Variants in NUP58 observed in about 807,000 individuals in gnomAD.
The protein encoded by NUP58 is nucleoporin 58.
Under a neutral mutation model 70.1 loss-of-function variants are expected in NUP58, and 17 were observed. That is an observed-to-expected ratio of 0.24 (90% CI 0.17 to 0.36). The LOEUF (loss-of-function observed/expected upper bound fraction) is 0.36. NUP58 is among the 10% of genes least tolerant of loss of function. The pLI, the probability that NUP58 is intolerant of heterozygous loss-of-function variation, is 1.00. For missense variants in NUP58, 644 were observed against 701.5 expected (o/e 0.92, Z 0.93); for synonymous variants, 275 against 257.6 (o/e 1.07, Z -0.65).
At chr13:25,335,775 A>G (rs2031759024) in intron 13 of NUP58, 1 of 983,440 alleles carries the variant, frequency 1.0e-6, no homozygotes. Context: ...TTCATTGGAT[A>G]ACTTGAAGGC....
intron 1 of NUP58, chr13:25,302,994 A>C (rs1332201916): frequency 2.2e-6 from 1 of 456,716 alleles, no homozygotes; most frequent in Non-Finnish European, 4.4e-6. Flanking sequence ...TCCCATGTGC[A>C]AGGCTCTGTT....
Position 25,331,530 on chromosome 13 carries a change from A to G in NUP58, c.1407A>G (p.Thr469=), listed in dbSNP as rs564393769. The G allele has an allele frequency of 1.2e-6, 2 of 1,614,096 alleles. No individual in the cohort carries two copies. Among genetic ancestry groups the G allele is most frequent in the South Asian group, 2.2e-5 (2 of 91,084 alleles). The change falls in exon 13 of 16, where the codon ACA becomes ACG. Residue 469 remains threonine, a synonymous_variant. Transcript: ENST00000381736. ...CAGCAGCCGTTGCCATGGCTGCAAC[A>G]CTTACACAGCAGCAACAGCCTGCTA... ...PNAAAVAMAA[T]LTQQQQPATG... is the part of the protein sequence containing the mutation.
intron 12 of NUP58, among the ~76,000 whole-genome samples, chr13:25,328,023 A>G (rs2031464912): frequency 6.6e-6 from 1 of 151,960 alleles, no homozygotes; most frequent in African/African-American, 2.4e-5. Context: ...ATATGGTGAA[A>G]CCCCGTCTCT....
At chr13:25,335,882 T>A (rs2031762921) in intron 13 of NUP58, 1 of 1,079,488 alleles carries the variant, frequency 9.3e-7, no homozygotes, top group Non-Finnish European at 1.1e-6. Flanking sequence ...AAAAAGACAA[T>A]ACTGAAGATT....
At position 25,331,362 on chromosome 13, in the gene NUP58, G is replaced by C. The variant is rs760677974; in HGVS notation, c.1239G>C (p.Leu413=). ...TTTGTTTATTATTCTTTTAGGTTCTGAAAGAACAGTACCTTGGCTACAGGA... is the reference window on the plus strand; with the variant it reads ...TTTGTTTATTATTCTTTTAGGTTCTCAAAGAACAGTACCTTGGCTACAGGA... ...LQSIHENVKV[L]KEQYLGYRKM... The change falls in exon 13 of 16, where the codon CTG becomes CTC. Residue 413 remains leucine, a synonymous_variant. Transcript: ENST00000381736. 11 of 1,613,746 alleles carry C rather than the reference G, an allele frequency of 6.8e-6. No individual in the cohort carries two copies. The highest frequency in any genetic ancestry group is 9.3e-6 in the Non-Finnish European group (11 of 1,179,826).
chr13:25,326,255 A>G (rs1949123199), intron 10 of NUP58, among the ~76,000 whole-genome samples: 1 of 151,986 alleles, frequency 6.6e-6, no homozygotes. Flanking sequence ...CATCAGAGCT[A>G]ATTTTGCAAA....
rs2031619706 is a variant in NUP58 at position 25,331,885 on chromosome 13, G to A, written c.1435+327G>A. On this transcript the variant is annotated intron_variant, in intron 13 of 15. Coordinates refer to ENST00000381736, the MANE Select transcript of NUP58 (RefSeq NM_014089.4). ...AACATTAGATTCTGAAATCATGACT[G>A]TACCATTTATTGTTTTAAAGTCAGA... 14 of 1,110,018 alleles carry A rather than the reference G, an allele frequency of 1.3e-5. No individual in the cohort carries two copies. The South Asian group carries it at 3.4e-4, about 27-fold the overall frequency. 68.8% of individuals were successfully genotyped at this position (1,110,018 alleles called of 1,614,324 possible).
chr13:25,335,137 T>A (rs1268856121), intron 13 of NUP58: 1 of 985,220 alleles, frequency 1.0e-6, no homozygotes, highest in Non-Finnish European at 1.2e-6. Context: ...ATAAATGATG[T>A]TGCCTTCAGA....
chr13:25,310,310 T>C (rs992371649), intron 3 of NUP58, among the ~76,000 whole-genome samples: 1 of 144,162 alleles, frequency 6.9e-6, no homozygotes, highest in Non-Finnish European at 1.5e-5. Context: ...AACTTCCGCC[T>C]CCTGGGTTCA....
chr13:25,332,064 G>T, intron 13 of NUP58: 2 of 1,001,998 alleles, frequency 2.0e-6, no homozygotes, highest in Non-Finnish European at 2.4e-6. Context: ...AGGCTTGTTT[G>T]TATGTATGTT....
chr13:25,329,088 A>T (rs919522041), intron 12 of NUP58, among the ~76,000 whole-genome samples: 36 of 152,212 alleles, frequency 2.4e-4, no homozygotes, highest in Non-Finnish European at 5.9e-5. Flanking sequence ...TATCAGATTT[A>T]AAAAAATTCT....
downstream of NUP58, among the ~76,000 whole-genome samples, chr13:25,347,364 C>G (rs1419010564): frequency 6.6e-6 from 1 of 152,206 alleles, no homozygotes; most frequent in Non-Finnish European, 1.5e-5. Flanking sequence ...AGTCACATAG[C>G]TGCAAGTAGG....
At chr13:25,323,320 C>T (rs969693244) in intron 9 of NUP58, among the ~76,000 whole-genome samples, 8 of 150,470 alleles carry the variant, frequency 5.3e-5, no homozygotes, top group African/African-American at 9.8e-5. Context: ...CCATGGCACA[C>T]GTTTACCTAT....
chr13:25,332,031 C>T (rs2031625773), intron 13 of NUP58: 1 of 1,010,078 alleles, frequency 9.9e-7, no homozygotes. Flanking sequence ...CTTTTATTGA[C>T]TGAAGGTATG....
At chr13:25,333,757 C>T (rs542867842) in intron 13 of NUP58, 2 of 985,218 alleles carry the variant, frequency 2.0e-6, no homozygotes, top group South Asian at 9.4e-5. Context: ...CCCTTATGCC[C>T]TGTGACTTCT....
In NUP58 at chr13:25,313,714, A is replaced by G. The variant is rs767605697; in HGVS notation, c.537A>G (p.Gly179=). 1 of 1,533,114 alleles carries G rather than the reference A, an allele frequency of 6.5e-7. No homozygotes were observed. The highest frequency in any genetic ancestry group is 1.3e-5 in the South Asian group (1 of 75,670). The allele number at this position is 1,533,114 out of a possible 1,614,324, so 95.0% of individuals were successfully genotyped here. Residue 179 remains glycine (G), a synonymous_variant, in exon 5 of 16, where the codon GGA becomes GGG. Transcript: ENST00000381736. ...TAGGGGGAGCCTTAGCTGGTTTGGG[A>G]GGTTCACTTTTCCAGAGTACAAACA... is the stretch of plus-strand genomic sequence containing the variant. The part of the protein sequence containing the change: ...LSLGGALAGL[G]GSLFQSTNTG...
At chr13:25,315,009 C>T (rs1010960056) in intron 5 of NUP58, among the ~76,000 whole-genome samples, 6 of 151,962 alleles carry the variant, frequency 3.9e-5, no homozygotes, top group African/African-American at 1.2e-4. Flanking sequence ...ATGTATTCAC[C>T]TGAAAATACA....
intron 1 of NUP58, among the ~76,000 whole-genome samples, chr13:25,304,664 G>A (rs569072707): frequency 6.6e-6 from 1 of 150,874 alleles, no homozygotes; most frequent in Non-Finnish European, 1.5e-5. Flanking sequence ...TTACAGGCAC[G>A]CCACCACACC....
intron 5 of NUP58, among the ~76,000 whole-genome samples, chr13:25,314,833 A>G (rs1216426536): frequency 1.3e-5 from 2 of 152,210 alleles, no homozygotes; most frequent in African/African-American, 4.8e-5. Flanking sequence ...TTTGTCAGTG[A>G]GGGAAGATGT....
Sources: allele counts gnomAD v4.1 joint callset (sites outside exome capture counted in the v4.1 genomes callset), GRCh38; gene constraint gnomAD v4.1.1; transcripts MANE v1.5; gene names NCBI Gene and HGNC (gene_info 2026-07-23, HGNC 2026-07-21).